The following FARS2 variants were observed in gnomAD, a reference collection of about 807,000 sequenced individuals.
FARS2 encodes the protein phenylalanyl-tRNA synthetase 2, mitochondrial.
In FARS2, 40 loss-of-function variants were observed where a neutral mutation model predicts 46.4. That is an observed-to-expected ratio of 0.86 (90% confidence interval 0.67 to 1.12). The LOEUF (loss-of-function observed/expected upper bound fraction) is 1.12, where lower values mean the gene tolerates loss of function less well. FARS2 is among the 50% of genes most tolerant of loss of function. FARS2 has a pLI of 0.00. For missense variants in FARS2, 513 were observed against 567.9 expected (o/e 0.90, Z 0.98); for synonymous variants, 234 against 214.9 (o/e 1.09, Z -0.78).
At chr6:5,678,000 G>A (rs1161504848) in intron 6 of FARS2, among the ~76,000 whole-genome samples, 1 of 152,162 alleles carries the variant, frequency 6.6e-6, no homozygotes, top group Admixed American at 6.5e-5. Flanking sequence ...GTGGAAAACT[G>A]AGAGAGAAAA....
chr6:5,500,179 T>C (rs1446705237), intron 4 of FARS2, among the ~76,000 whole-genome samples: 1 of 152,164 alleles, frequency 6.6e-6, no homozygotes, highest in Non-Finnish European at 1.5e-5. Flanking sequence ...TTGTGCTGCC[T>C]CCCTCTCGCC....
At chr6:5,442,110 A>AAATAAAT (rs1254077476) in intron 4 of FARS2, among the ~76,000 whole-genome samples, 1 of 152,190 alleles carries the variant, frequency 6.6e-6, no homozygotes, top group African/African-American at 2.4e-5. Context: ...AAAATTAAAT[A>AAATAAAT]AATAAATAAT....
chr6:5,672,222 A>C (rs1778508524), intron 6 of FARS2, among the ~76,000 whole-genome samples: 1 of 152,174 alleles, frequency 6.6e-6, no homozygotes, highest in Non-Finnish European at 1.5e-5. Context: ...CCCAAAGTGC[A>C]GAGCTAGCAG....
At chr6:5,460,915 G>A (rs1765205723) in intron 4 of FARS2, among the ~76,000 whole-genome samples, 1 of 152,158 alleles carries the variant, frequency 6.6e-6, no homozygotes, top group Non-Finnish European at 1.5e-5. Context: ...AAGGCAGATG[G>A]GAGTGGAAAT....
intron 4 of FARS2, chr6:5,466,575 C>T (rs1765527104): frequency 2.0e-6 from 2 of 985,366 alleles, no homozygotes; most frequent in Non-Finnish European, 2.4e-6. Flanking sequence ...TTCAGTTTCA[C>T]ATCAACCCAG....
chr6:5,267,708 C>T (rs1172540591), intron 1 of FARS2, among the ~76,000 whole-genome samples: 2 of 149,766 alleles, frequency 1.3e-5, no homozygotes, highest in African/African-American at 2.5e-5. Flanking sequence ...GAGCTGAGAT[C>T]GCACCACTGC....
At chr6:5,483,469 A>G (rs1561653305) in intron 4 of FARS2, among the ~76,000 whole-genome samples, 1 of 152,130 alleles carries the variant, frequency 6.6e-6, no homozygotes. Context: ...CGAGGTCAAG[A>G]TCAGCCTGGC....
At chr6:5,292,700 G>A (rs957771474) in intron 1 of FARS2, among the ~76,000 whole-genome samples, 2 of 152,174 alleles carry the variant, frequency 1.3e-5, no homozygotes, top group Admixed American at 6.5e-5. Flanking sequence ...TGCACCTGTA[G>A]CCTGGAGCTT....
At chr6:5,295,516 A>G (rs1171860133) in intron 1 of FARS2, among the ~76,000 whole-genome samples, 1 of 152,156 alleles carries the variant, frequency 6.6e-6, no homozygotes, top group Non-Finnish European at 1.5e-5. Flanking sequence ...TTTAAAAAGG[A>G]TCAAGCAAAT....
intron 5 of FARS2, among the ~76,000 whole-genome samples, chr6:5,557,510 C>A (rs772532008): frequency 5.9e-5 from 9 of 152,116 alleles, no homozygotes; most frequent in Non-Finnish European, 1.2e-4. Flanking sequence ...GTGAAGTTAG[C>A]CTGTTATTTT....
At chr6:5,640,306 C>T (rs77273115) in intron 6 of FARS2, among the ~76,000 whole-genome samples, 3,792 of 152,230 alleles carry the variant, frequency 0.025, 150 homozygotes, top group African/African-American at 0.086. Context: ...GTCTGACTTA[C>T]GGGTTTAAGG....
rs202072081 is a variant in FARS2 at position 5,544,804 on chromosome 6, G to A, written c.905-376G>A. On this transcript the variant is annotated intron_variant, in intron 4 of 6. Transcript: ENST00000274680. Reference sequence around the variant, plus strand: ...TCATTATCTACTACACTTAAGGACAGAGACCGTCTTTTCTTTCCACTCTGT... The same window carrying A: ...TCATTATCTACTACACTTAAGGACAAAGACCGTCTTTTCTTTCCACTCTGT... 1.5e-4 allele frequency among the ~76,000 whole-genome samples: 23 copies of A among 152,308 alleles called. No individual in the cohort carries two copies. In the East Asian group the frequency reaches 4.3e-3, roughly 28 times the overall value.
At chr6:5,308,502 G>A (rs1768877393) in intron 1 of FARS2, among the ~76,000 whole-genome samples, 1 of 152,210 alleles carries the variant, frequency 6.6e-6, no homozygotes. Flanking sequence ...CTAATCTGCT[G>A]TACACTGATA....
chr6:5,640,711 T>G (rs1253041148), intron 6 of FARS2, among the ~76,000 whole-genome samples: 1 of 152,196 alleles, frequency 6.6e-6, no homozygotes, highest in Non-Finnish European at 1.5e-5. Flanking sequence ...CTAACAATAC[T>G]GCACACCAGA....
chr6:5,594,129 C>A (rs1014111214), intron 5 of FARS2, among the ~76,000 whole-genome samples: 3 of 148,730 alleles, frequency 2.0e-5, no homozygotes, highest in Non-Finnish European at 4.5e-5. Flanking sequence ...GGCCTAGGAT[C>A]TTTTCTTTGC....
intron 6 of FARS2, among the ~76,000 whole-genome samples, chr6:5,622,256 C>T (rs1364460042): frequency 3.3e-5 from 5 of 152,256 alleles, no homozygotes; most frequent in African/African-American, 1.2e-4. Flanking sequence ...TTTACACCGC[C>T]TTCCTCTTTC....
rs150176033 is a variant in FARS2, at chr6:5,494,682, T to C, written c.905-50498T>C. Among the ~76,000 whole-genome samples the C allele has an allele frequency of 5.6e-3, 849 of 152,310 alleles. 41 individuals are homozygous for C. The highest frequency in any genetic ancestry group is 0.05 in the Admixed American group (759 of 15,292). On this transcript the variant is annotated intron_variant, in intron 4 of 6. Coordinates refer to ENST00000274680, the MANE Select transcript of FARS2 (RefSeq NM_006567.5). ...TCTCTTCTGTTGTTTCCTTCACATCTCATCCTTCTTTATCATTCCCATGTC... is the reference window on the plus strand; with the variant it reads ...TCTCTTCTGTTGTTTCCTTCACATCCCATCCTTCTTTATCATTCCCATGTC...
chr6:5,734,799 GTAGA>G (rs200540074), intron 6 of FARS2, among the ~76,000 whole-genome samples: 2 of 152,126 alleles, frequency 1.3e-5, no homozygotes, highest in Non-Finnish European at 2.9e-5. Flanking sequence ...TGTTTGATTT[GTAGA>G]TAGATAGATA....
chr6:5,554,163 C>T (rs1771523122), intron 5 of FARS2, among the ~76,000 whole-genome samples: 2 of 152,094 alleles, frequency 1.3e-5, no homozygotes, highest in Non-Finnish European at 2.9e-5. Context: ...CTTCCTTTCT[C>T]CCTTGTATTT....
Sources: gnomAD v4.1 joint callset for allele counts (sites outside exome capture counted in the v4.1 genomes callset) on GRCh38, gnomAD v4.1.1 for gene constraint, MANE v1.5 for transcripts, NCBI Gene and HGNC (gene_info 2026-07-23, HGNC 2026-07-21) for gene names.